SMG7: variants seen among roughly 807,000 people sequenced by gnomAD.
SMG7 encodes nonsense-mediated mRNA decay factor SMG7.
A neutral mutation model predicts 148.2 loss-of-function variants in SMG7; 34 were observed. The observed-to-expected ratio is 0.23, with a 90% confidence interval of 0.17 to 0.31. The LOEUF (loss-of-function observed/expected upper bound fraction) is 0.31. Ranked by LOEUF, SMG7 falls within the 10% of genes least tolerant of loss-of-function variation. The pLI is 1.00. For synonymous variants in SMG7, 492 were observed against 515.1 expected, an observed-to-expected ratio of 0.96 and a Z score of 0.61; for missense variants, 1,114 against 1,408.4, an observed-to-expected ratio of 0.79 and a Z score of 3.35.
intron 4 of SMG7, among the ~76,000 whole-genome samples, chr1:183,526,310 G>A (rs956017585): frequency 1.1e-4 from 17 of 151,384 alleles, no homozygotes; most frequent in Non-Finnish European, 1.5e-4. Context: ...CACCACTCCC[G>A]GCTGATTTTT....
At chr1:183,533,434 T>G in intron 9 of SMG7, 108 bp downstream of exon 9, 1 of 1,174,390 alleles carries the variant, frequency 8.5e-7, no homozygotes, top group Non-Finnish European at 1.2e-6. Flanking sequence ...AGTGTATTTC[T>G]TACACTGAAT....
At chr1:183,516,418 A>C (rs1226762706) in intron 3 of SMG7, among the ~76,000 whole-genome samples, 1 of 152,174 alleles carries the variant, frequency 6.6e-6, no homozygotes, top group African/African-American at 2.4e-5. Flanking sequence ...CATTGTAAGG[A>C]AAGTTCCTTC....
intron 4 of SMG7, among the ~76,000 whole-genome samples, chr1:183,518,449 A>C (rs1664070413): frequency 6.6e-6 from 1 of 152,132 alleles, no homozygotes; most frequent in South Asian, 2.1e-4. Flanking sequence ...ATATAGCTAT[A>C]GTCATTAAAA....
Position 183,553,115 on chromosome 1 carries a change from T to C in SMG7, c.*1184T>C, listed in dbSNP as rs563607330. On this transcript the variant is annotated 3_prime_UTR_variant, in exon 23 of 23. Coordinates refer to ENST00000688051, the MANE Select transcript of SMG7 (RefSeq NM_001375584.1). ...CCCAGCCTCCACTTTCAGAGTGAAA[T>C]TCAAGGCAGCACGGACATGTGCCCA... 12 of 1,536,212 alleles carry C rather than the reference T, an allele frequency of 7.8e-6. No individual in the cohort carries two copies. In the Admixed American group the frequency reaches 2.4e-4, roughly 30 times the overall value.
At chr1:183,475,276 A>G (rs1222703211) in intron 1 of SMG7, among the ~76,000 whole-genome samples, 2 of 152,206 alleles carry the variant, frequency 1.3e-5, no homozygotes, top group African/African-American at 4.8e-5. Flanking sequence ...GTCAGTAAAC[A>G]TAGCAGTTAA....
chr1:183,529,055 G>GT lies in SMG7; in HGVS notation c.707+13_707+14insT. ...AAGCACTGGAAAGGTAGGGTTGTTTGGTTTTTTTTTTCTCTTTCCAAGAGG... is the reference window on the plus strand; with the variant it reads ...AAGCACTGGAAAGGTAGGGTTGTTTGTGTTTTTTTTTTCTCTTTCCAAGAGG... On this transcript the variant is annotated intron_variant, in intron 7 of 22. Transcript: ENST00000688051. 2.5e-6 allele frequency: 4 copies of GT among 1,583,604 alleles called. No homozygotes were observed. Among genetic ancestry groups the GT allele is most frequent in the Admixed American group, 1.9e-5 (1 of 52,146 alleles).
chr1:183,517,342 A>T (rs987533509), intron 3 of SMG7, among the ~76,000 whole-genome samples: 4 of 152,216 alleles, frequency 2.6e-5, no homozygotes, highest in African/African-American at 9.6e-5. Context: ...CTATATGTAG[A>T]AATTTGTTAA....
At chr1:183,473,801 A>T (rs1651395915) in intron 1 of SMG7, 1 of 985,324 alleles carries the variant, frequency 1.0e-6, no homozygotes. Flanking sequence ...AGGGAGTTGG[A>T]TGAGGTGGAA....
intron 17 of SMG7, 30 bp from the exon 18 acceptor site, chr1:183,547,072 TG>T: frequency 1.3e-6 from 2 of 1,540,480 alleles, no homozygotes; most frequent in Non-Finnish European, 1.8e-6. Flanking sequence ...TATCCCTTAT[TG>T]CTTCTCACTG....
At chr1:183,487,341 C>T (rs4652806) in intron 1 of SMG7, among the ~76,000 whole-genome samples, 36,720 of 152,150 alleles carry the variant, frequency 0.24, 5,487 homozygotes, top group Non-Finnish European at 0.33. Context: ...CTCTGACTCT[C>T]CTGCCTCTCT....
chr1:183,504,751 C>T (rs1198993136), intron 1 of SMG7, among the ~76,000 whole-genome samples: 1 of 152,160 alleles, frequency 6.6e-6, no homozygotes, highest in Non-Finnish European at 1.5e-5. Flanking sequence ...TACCATTCTC[C>T]TCAGCTTATC....
At chr1:183,542,925 ATATG>A (rs1291390287) in intron 14 of SMG7, among the ~76,000 whole-genome samples, 3,714 of 141,480 alleles carry the variant, frequency 0.026, 121 homozygotes, top group African/African-American at 0.087. Context: ...TAATATATAT[ATATG>A]TGTGTGTGTG....
At position 183,552,088 on chromosome 1, in the gene SMG7, A is replaced by T; in HGVS notation, c.*157A>T. The T allele has an allele frequency of 7.6e-7, 1 of 1,320,850 alleles. No homozygotes were observed. Among genetic ancestry groups the T allele is most frequent in the South Asian group, 2.4e-5 (1 of 42,514 alleles). 81.8% of individuals were successfully genotyped at this position (1,320,850 alleles called of 1,614,324 possible). ...TCCACCAGCCCGCTGAGTGTGCACG[A>T]AATGTTCGCAGTGCAACAAAAAGAA... is the stretch of plus-strand genomic sequence containing the variant. On this transcript the variant is annotated 3_prime_UTR_variant, in exon 23 of 23. Transcript: ENST00000688051.
At chr1:183,485,192 T>C (rs2102127956) in intron 1 of SMG7, among the ~76,000 whole-genome samples, 1 of 152,318 alleles carries the variant, frequency 6.6e-6, no homozygotes, top group South Asian at 2.1e-4. Flanking sequence ...AACCTAGATA[T>C]CAGGCTGATT....
intron 6 of SMG7, 52 bp downstream of exon 6, chr1:183,528,079 C>A: frequency 7.2e-7 from 1 of 1,396,264 alleles, no homozygotes; most frequent in Non-Finnish European, 1.0e-6. Flanking sequence ...TTCTTTATAA[C>A]AATGTGGCAG....
chr1:183,497,195 A>C (rs1004728731), intron 1 of SMG7, among the ~76,000 whole-genome samples: 5 of 152,226 alleles, frequency 3.3e-5, no homozygotes, highest in South Asian at 4.1e-4. Flanking sequence ...ATCTCAGACT[A>C]TCTAGATCAA....
At position 183,526,137 on chromosome 1, in the gene SMG7, A is replaced by AAT. The variant is rs201246031; in HGVS notation, c.313-440_313-439dup. Among the ~76,000 whole-genome samples the AAT allele has an allele frequency of 3.6e-5, 5 of 139,732 alleles. No individual in the cohort carries two copies. In the East Asian group the frequency reaches 8.1e-4, roughly 23 times the overall value. 91.7% of individuals were successfully genotyped at this position (139,732 alleles called of 152,430 possible). A position where few individuals can be genotyped will look rare whatever the true frequency, so the allele number is the denominator to read the frequency against. On this transcript the variant is annotated intron_variant, in intron 4 of 22. Coordinates refer to ENST00000688051, the MANE Select transcript of SMG7 (RefSeq NM_001375584.1). Reference sequence around the variant, plus strand: ...GTTATCCTGTGAAAGATTAACGTATAATATATATATATATATATATTTTTT... The same window carrying AAT: ...GTTATCCTGTGAAAGATTAACGTATAATATATATATATATATATATATTTTTT...
intron 3 of SMG7, among the ~76,000 whole-genome samples, chr1:183,516,278 T>G (rs919322510): frequency 6.6e-6 from 1 of 151,776 alleles, no homozygotes; most frequent in Admixed American, 6.6e-5. Context: ...ATACTAAGAG[T>G]GTTTGGATTG....
intron 12 of SMG7, among the ~76,000 whole-genome samples, chr1:183,540,004 TTC>T (rs1210742030): frequency 4.6e-5 from 7 of 152,192 alleles, no homozygotes; most frequent in African/African-American, 1.7e-4. Flanking sequence ...GATGCTCAAG[TTC>T]CAGCACTATC....
Sources: allele counts gnomAD v4.1 joint callset (sites outside exome capture counted in the v4.1 genomes callset), GRCh38; gene constraint gnomAD v4.1.1; transcripts MANE v1.5; gene names NCBI Gene and HGNC (gene_info 2026-07-23, HGNC 2026-07-21).